Variants in STPG2 observed in about 807,000 individuals in gnomAD.
STPG2 encodes the protein sperm tail PG-rich repeat containing 2.
In STPG2, 56 loss-of-function variants were observed where a neutral mutation model predicts 54.2. That is an observed-to-expected ratio of 1.03 (90% CI 0.83 to 1.29). The LOEUF (loss-of-function observed/expected upper bound fraction) is 1.29, where lower values mean the gene tolerates loss of function less well. Ranked by LOEUF, STPG2 falls within the 50% of genes most tolerant of loss-of-function variation. The pLI is 0.00. For missense variants in STPG2, 596 were observed against 544.9 expected (o/e 1.09, Z -0.93); for synonymous variants, 200 against 181.8 (o/e 1.10, Z -0.81).
At chr4:98,058,045 C>T (rs1023069711) in intron 5 of STPG2, among the ~76,000 whole-genome samples, 1 of 152,070 alleles carries the variant, frequency 6.6e-6, no homozygotes, top group Non-Finnish European at 1.5e-5. Context: ...ACAAGAGTAC[C>T]CAAAGGAGCT....
chr4:97,444,439 C>A (rs1428711810), intron 4 of STPG2, among the ~76,000 whole-genome samples: 1 of 152,142 alleles, frequency 6.6e-6, no homozygotes, highest in Non-Finnish European at 1.5e-5. Context: ...AGGAAAGACA[C>A]TTCATTAGAA....
chr4:97,870,999 T>C (rs552371445), intron 8 of STPG2, among the ~76,000 whole-genome samples: 3 of 150,850 alleles, frequency 2.0e-5, no homozygotes, highest in Non-Finnish European at 4.5e-5. Context: ...CAAGAAATTT[T>C]AAAATAGAAA....
intron 6 of STPG2, among the ~76,000 whole-genome samples, chr4:97,972,908 A>T (rs1284706800): frequency 6.6e-6 from 1 of 152,212 alleles, no homozygotes; most frequent in African/African-American, 2.4e-5. Flanking sequence ...AACCATGTGG[A>T]ACCATAAGTC....
chr4:97,535,908 A>AT (rs1286423982), intron 4 of STPG2, among the ~76,000 whole-genome samples: 14 of 152,036 alleles, frequency 9.2e-5, no homozygotes, highest in Non-Finnish European at 1.5e-5. Flanking sequence ...GAACTCTGTG[A>AT]TTTTTCACCA....
At chr4:97,901,153 A>T (rs1731161892) in intron 8 of STPG2, among the ~76,000 whole-genome samples, 1 of 151,942 alleles carries the variant, frequency 6.6e-6, no homozygotes, top group Non-Finnish European at 1.5e-5. Flanking sequence ...TGACATATTT[A>T]TATCATTGTG....
At chr4:98,141,975 AT>A (rs1425881853) in intron 1 of STPG2, among the ~76,000 whole-genome samples, 1 of 150,766 alleles carries the variant, frequency 6.6e-6, no homozygotes, top group Non-Finnish European at 1.5e-5. Flanking sequence ...GGAGGAAATG[AT>A]GTTACATTTT....
At chr4:97,733,147 T>C (rs1333248547) in intron 9 of STPG2, among the ~76,000 whole-genome samples, 1 of 152,168 alleles carries the variant, frequency 6.6e-6, no homozygotes, top group Non-Finnish European at 1.5e-5. Flanking sequence ...TGTATATTTA[T>C]AGCCACATAA....
chr4:98,019,291 TG>T (rs1327606776), intron 5 of STPG2, among the ~76,000 whole-genome samples: 1 of 152,212 alleles, frequency 6.6e-6, no homozygotes, highest in Admixed American at 6.5e-5. Context: ...TCCCATTGCT[TG>T]TTTTTGTCAG....
intron 4 of STPG2, among the ~76,000 whole-genome samples, chr4:97,486,162 A>C (rs547596779): frequency 3.0e-4 from 46 of 152,010 alleles, no homozygotes; most frequent in African/African-American, 1.1e-3. Flanking sequence ...ATAGAAAAAG[A>C]GTAAATAACT....
intron 9 of STPG2, among the ~76,000 whole-genome samples, chr4:97,816,409 C>T (rs1454474096): frequency 6.6e-6 from 1 of 152,070 alleles, no homozygotes; most frequent in Non-Finnish European, 1.5e-5. Flanking sequence ...AATGGGATTG[C>T]TGGGTCAAAT....
intron 5 of STPG2, among the ~76,000 whole-genome samples, chr4:98,003,099 T>G (rs1278201371): frequency 6.6e-6 from 1 of 152,112 alleles, no homozygotes; most frequent in Non-Finnish European, 1.5e-5. Flanking sequence ...CATTGATCAC[T>G]ACAAATAGTG....
intron 10 of STPG2, among the ~76,000 whole-genome samples, chr4:97,651,387 A>G (rs1722064053): frequency 6.6e-6 from 1 of 152,142 alleles, no homozygotes; most frequent in Admixed American, 6.5e-5. Context: ...ATAAAAATCA[A>G]TCTTGAGTGT....
intron 5 of STPG2, among the ~76,000 whole-genome samples, chr4:97,988,026 TCACACACACACACACACACA>T (rs3047311): frequency 1.4e-5 from 2 of 141,708 alleles, no homozygotes; most frequent in African/African-American, 5.3e-5. Context: ...GGTCTGAATG[TCACACACACACACACACACA>T]CACACACACA....
At chr4:97,505,530 C>A (rs1236558930) in intron 4 of STPG2, among the ~76,000 whole-genome samples, 1 of 151,856 alleles carries the variant, frequency 6.6e-6, no homozygotes, top group Admixed American at 6.6e-5. Flanking sequence ...TAATTGGATG[C>A]ATGCTGGAGA....
At chr4:97,986,171 T>C (rs979389972) in intron 5 of STPG2, among the ~76,000 whole-genome samples, 12 of 152,138 alleles carry the variant, frequency 7.9e-5, no homozygotes, top group Non-Finnish European at 1.3e-4. Context: ...TCCAAGGAGG[T>C]GTCTCTTAAG....
At chr4:98,021,153 T>C (rs1473173612) in intron 5 of STPG2, among the ~76,000 whole-genome samples, 1 of 148,400 alleles carries the variant, frequency 6.7e-6, no homozygotes, top group African/African-American at 2.5e-5. Context: ...CTTGTGGGCA[T>C]TTAGTGCTAT....
In STPG2 at chr4:97,616,057, AATATATATATATATAT is replaced by A. The variant is rs70953077; in HGVS notation, c.1321-56956_1321-56941del. Among the ~76,000 whole-genome samples, 55 of 37,386 alleles carry A rather than the reference AATATATATATATATAT, an allele frequency of 1.5e-3. 8 individuals carry two copies. Among genetic ancestry groups the A allele is most frequent in the South Asian group, 5.8e-3 (4 of 692 alleles). The allele number at this position is 37,386 out of a possible 152,430, so 24.5% of individuals were successfully genotyped here. A position where few individuals can be genotyped will look rare whatever the true frequency, so the allele number is the denominator to read the frequency against. ...GTCTCAAAAAAAAAAAATACATATA[AATATATATATATATAT>A]ATATATATATATATATATATATGTA... On this transcript the variant is annotated intron_variant, in intron 10 of 10. Coordinates refer to ENST00000295268, the MANE Select transcript of STPG2 (RefSeq NM_174952.3).
At chr4:98,030,360 G>A (rs1736556979) in intron 5 of STPG2, among the ~76,000 whole-genome samples, 1 of 152,058 alleles carries the variant, frequency 6.6e-6, no homozygotes, top group Non-Finnish European at 1.5e-5. Context: ...GTCTCTGATG[G>A]TGGCAATAAT....
At chr4:97,972,965 T>C (rs1734384717) in intron 6 of STPG2, among the ~76,000 whole-genome samples, 1 of 152,186 alleles carries the variant, frequency 6.6e-6, no homozygotes, top group Non-Finnish European at 1.5e-5. Flanking sequence ...GTATGTCTTT[T>C]TTAGCAGAAT....
Sources: allele counts gnomAD v4.1 joint callset (sites outside exome capture counted in the v4.1 genomes callset), GRCh38; gene constraint gnomAD v4.1.1; transcripts MANE v1.5; gene names NCBI Gene and HGNC (gene_info 2026-07-23, HGNC 2026-07-21).